The following ESF1 variants were observed in gnomAD, a reference collection of about 807,000 sequenced individuals.
ESF1 encodes ESF1 nucleolar pre-rRNA processing protein.
In ESF1, 58 loss-of-function variants were observed where a neutral mutation model predicts 92.0. That is an observed-to-expected ratio of 0.63 (90% CI 0.51 to 0.78). ESF1 has a LOEUF of 0.78. ESF1 is among the 30% of genes least tolerant of loss of function. The pLI is 0.00. For missense variants in ESF1, 922 were observed against 989.1 expected (o/e 0.93, Z 0.91); for synonymous variants, 321 against 313.7 (o/e 1.02, Z -0.24).
intron 8 of ESF1, chr20:13,762,770 T>C (rs7267797): frequency 0.036 from 13,156 of 360,700 alleles, 551 homozygotes; most frequent in African/African-American, 0.13. Context: ...TATAGTAAAT[T>C]TGTAATCAAT....
intron 11 of ESF1, among the ~76,000 whole-genome samples, chr20:13,725,146 C>T (rs1288880719): frequency 6.6e-6 from 1 of 152,192 alleles, no homozygotes; most frequent in Non-Finnish European, 1.5e-5. Flanking sequence ...TTTCTACGTC[C>T]CTACCCTATC....
intron 9 of ESF1, among the ~76,000 whole-genome samples, chr20:13,745,047 T>C (rs1568716559): frequency 6.6e-6 from 1 of 152,154 alleles, no homozygotes. Flanking sequence ...ATACACATAC[T>C]AAAACCATGA....
At chr20:13,761,811 A>G (rs978099590) in intron 8 of ESF1, among the ~76,000 whole-genome samples, 1 of 152,108 alleles carries the variant, frequency 6.6e-6, no homozygotes, top group Non-Finnish European at 1.5e-5. Context: ...AATACACCAA[A>G]AAGTTTGTTC....
chr20:13,758,568 A>G (rs933023837), intron 9 of ESF1, among the ~76,000 whole-genome samples: 1 of 152,190 alleles, frequency 6.6e-6, no homozygotes, highest in Non-Finnish European at 1.5e-5. Context: ...CCACGCAAAC[A>G]TATGTTTTAT....
intron 9 of ESF1, among the ~76,000 whole-genome samples, chr20:13,747,685 C>T (rs1978342757): frequency 6.8e-6 from 1 of 147,560 alleles, no homozygotes; most frequent in Non-Finnish European, 1.5e-5. Flanking sequence ...CACATGTCAG[C>T]TAATGATGGA....
rs114007935 is a variant in ESF1, at chr20:13,748,381, C to T, written c.1828+11311G>A. 8.4e-3 allele frequency among the ~76,000 whole-genome samples: 742 copies of T among 88,040 alleles called. 8 individuals carry two copies. Among genetic ancestry groups the T allele is most frequent in the African/African-American group, 0.029 (722 of 24,610 alleles). The allele number at this position is 88,040 out of a possible 152,430, so 57.8% of individuals were successfully genotyped here. On this transcript the variant is annotated intron_variant, in intron 9 of 13. Transcript: ENST00000617257. ...ACAAGCATCCAATAAGTGCAAACTT[C>T]CCCTTCCTCCCTCAAAGGATATATA...
intron 7 of ESF1, 86 bp from the exon 8 acceptor site, chr20:13,767,010 A>C: frequency 7.8e-7 from 1 of 1,287,650 alleles, no homozygotes; most frequent in Non-Finnish European, 1.1e-6. Context: ...ATTAACCTGG[A>C]TGTTTAACAG....
In ESF1 at chr20:13,759,249, A is replaced by G. The variant is rs116748708; in HGVS notation, c.1828+443T>C. On this transcript the variant is annotated intron_variant, in intron 9 of 13. Transcript: ENST00000617257. ...TAGTACTATTTTACTCTACTATGCT[A>G]TATTTCTTTGACTATTCGCAGCAAG... Among the ~76,000 whole-genome samples the G allele has an allele frequency of 3.8e-3, 576 of 152,338 alleles. 3 individuals are homozygous for G. Among genetic ancestry groups the G allele is most frequent in the African/African-American group, 0.013 (527 of 41,578 alleles).
chr20:13,724,136 A>T (rs1166262950), intron 11 of ESF1, among the ~76,000 whole-genome samples: 2 of 152,102 alleles, frequency 1.3e-5, no homozygotes, highest in Non-Finnish European at 2.9e-5. Context: ...CTCTACTAAA[A>T]ATACAAAAAT....
At position 13,767,529 on chromosome 20, in the gene ESF1, CAA is replaced by C. The variant is rs34946385; in HGVS notation, c.1519-607_1519-606del. Among the ~76,000 whole-genome samples, 225 of 115,098 alleles carry C rather than the reference CAA, an allele frequency of 2.0e-3. 1 individual carries two copies. The highest frequency in any genetic ancestry group is 5.9e-3 in the African/African-American group (183 of 31,040). The allele number at this position is 115,098 out of a possible 152,430, so 75.5% of individuals were successfully genotyped here. A position where few individuals can be genotyped will look rare whatever the true frequency, so the allele number is the denominator to read the frequency against. Reference sequence around the variant, plus strand: ...GGGCAACAAGAGCAAAACTCTATCTCAAAAAAAAAAAAAAAAGTTAACATTAT... The same window carrying C: ...GGGCAACAAGAGCAAAACTCTATCTCAAAAAAAAAAAAAAGTTAACATTAT... On this transcript the variant is annotated intron_variant, in intron 7 of 13. Transcript: ENST00000617257.
intron 10 of ESF1, among the ~76,000 whole-genome samples, chr20:13,732,032 A>T (rs1375423900): frequency 6.6e-6 from 1 of 152,206 alleles, no homozygotes; most frequent in Non-Finnish European, 1.5e-5. Flanking sequence ...TGTTTCCCTA[A>T]GGTCTGTGGC....
chr20:13,748,588 A>ATTT (rs1351825674), intron 9 of ESF1, among the ~76,000 whole-genome samples: 5 of 61,512 alleles, frequency 8.1e-5, no homozygotes, highest in East Asian at 1.6e-3. Flanking sequence ...ATATATATAT[A>ATTT]TATATTTTTT....
At chr20:13,733,599 G>C in intron 10 of ESF1, 122 bp downstream of exon 10, 1 of 1,006,994 alleles carries the variant, frequency 9.9e-7, no homozygotes, top group Non-Finnish European at 1.4e-6. Context: ...TTAAAATTGG[G>C]ATGATAACAA....
chr20:13,758,477 G>A (rs1031072409), intron 9 of ESF1, among the ~76,000 whole-genome samples: 1 of 152,144 alleles, frequency 6.6e-6, no homozygotes, highest in Non-Finnish European at 1.5e-5. Context: ...ACAATAGCCA[G>A]TGTCCATCCT....
chr20:13,736,381 G>A (rs1026231887), intron 9 of ESF1, among the ~76,000 whole-genome samples: 1 of 152,024 alleles, frequency 6.6e-6, no homozygotes, highest in Non-Finnish European at 1.5e-5. Flanking sequence ...CTAAAAAAAA[G>A]GGCTATGTCA....
chr20:13,729,629 AATTT>A (rs1280971430), intron 10 of ESF1, among the ~76,000 whole-genome samples: 1 of 152,128 alleles, frequency 6.6e-6, no homozygotes, highest in Non-Finnish European at 1.5e-5. Context: ...TAGTTACAAC[AATTT>A]ATTTGTTGGT....
In ESF1 at chr20:13,772,498, C is replaced by G. The variant is rs760601947; in HGVS notation, c.1250+17G>C. ...AATTTATGAGGTTTAGTTTTATGTT[C>G]TATAGTGATTTAATACCAGTCTTTT... On this transcript the variant is annotated intron_variant, in intron 5 of 13. Coordinates refer to ENST00000617257, the MANE Select transcript of ESF1 (RefSeq NM_001276380.2). 6.5e-7 allele frequency: 1 copy of G among 1,536,624 alleles called. No individual in the cohort carries two copies. The highest frequency in any genetic ancestry group is 9.0e-7 in the Non-Finnish European group (1 of 1,110,962).
intron 9 of ESF1, among the ~76,000 whole-genome samples, chr20:13,747,377 G>A (rs1000262687): frequency 2.0e-5 from 3 of 151,808 alleles, no homozygotes; most frequent in South Asian, 4.2e-4. Flanking sequence ...TGGCCAACAC[G>A]GTGAAACCCC....
intron 9 of ESF1, among the ~76,000 whole-genome samples, chr20:13,746,958 C>T (rs1420983172): frequency 1.3e-5 from 2 of 152,048 alleles, no homozygotes; most frequent in Admixed American, 6.6e-5. Flanking sequence ...CAGTACCTTC[C>T]CAACCATTTT....
Sources: allele counts gnomAD v4.1 joint callset (sites outside exome capture counted in the v4.1 genomes callset), GRCh38; gene constraint gnomAD v4.1.1; transcripts MANE v1.5; gene names NCBI Gene and HGNC (gene_info 2026-07-23, HGNC 2026-07-21).